TMEM164: variants seen among roughly 807,000 people sequenced by gnomAD.
TMEM164 encodes the protein transmembrane protein 164.
A neutral mutation model predicts 18.8 loss-of-function variants in TMEM164; 4 were observed. That is an observed-to-expected ratio of 0.21 (90% CI 0.10 to 0.49). TMEM164 has a LOEUF of 0.49. Among genes scored for constraint, TMEM164 ranks in the 20% least tolerant of loss-of-function variants. The pLI is 0.98. For synonymous variants in TMEM164, 86 were observed against 101.7 expected, an observed-to-expected ratio of 0.85 and a Z score of 0.93; for missense variants, 108 against 239.9, an observed-to-expected ratio of 0.45 and a Z score of 3.63.
chrX:110,121,530 C>T (rs2148006662), intron 4 of TMEM164, among the ~76,000 whole-genome samples: 1 of 112,524 alleles, frequency 8.9e-6, no homozygotes, highest in South Asian at 3.6e-4. Context: ...TGTATCAGTA[C>T]TTCATTCCTT....
In TMEM164 at chrX:110,149,333, C is replaced by T. The variant is rs143401896; in HGVS notation, c.586+4457C>T. Among the ~76,000 whole-genome samples the T allele has an allele frequency of 2.6e-4, 29 of 111,856 alleles. No homozygotes were observed. In the Middle Eastern group the frequency reaches 0.023, roughly 89 times the overall value. ...TTCCTCAGACCATTTACTCTGATAT[C>T]TAACCCTCTACCAGACTTTTCACAG... On this transcript the variant is annotated intron_variant, in intron 5 of 6. Transcript: ENST00000372068.
Position 110,170,025 on chromosome X carries a change from C to G in TMEM164, c.587-1395C>G, listed in dbSNP as rs929202263. Among the ~76,000 whole-genome samples, 7 of 111,937 alleles carry G rather than the reference C, an allele frequency of 6.3e-5. No homozygotes were observed. The South Asian group carries it at 1.5e-3, about 24-fold the overall frequency. Reference sequence around the variant, plus strand: ...CTTCTAGTGTCCTATGTGTCGCAGCCTGGAGCAGACCAGCCCTGCGAACCT... The same window carrying G: ...CTTCTAGTGTCCTATGTGTCGCAGCGTGGAGCAGACCAGCCCTGCGAACCT... On this transcript the variant is annotated intron_variant, in intron 5 of 6. Coordinates refer to ENST00000372068, the MANE Select transcript of TMEM164 (RefSeq NM_032227.4).
At chrX:110,147,438 G>T (rs2066873320) in intron 5 of TMEM164, among the ~76,000 whole-genome samples, 1 of 111,111 alleles carries the variant, frequency 9.0e-6, no homozygotes, top group African/African-American at 3.3e-5. Flanking sequence ...AACCCCACCG[G>T]CAGCTCTGCA....
chrX:110,161,053 A>T (rs1208082785), intron 5 of TMEM164, among the ~76,000 whole-genome samples: 2 of 112,245 alleles, frequency 1.8e-5, no homozygotes, highest in Non-Finnish European at 3.8e-5. Context: ...TTTTTGGAGG[A>T]CATTTCAAGA....
chrX:110,008,690 T>TA (rs1932876788), intron 2 of TMEM164, among the ~76,000 whole-genome samples: 1 of 111,489 alleles, frequency 9.0e-6, no homozygotes, highest in Non-Finnish European at 1.9e-5. Flanking sequence ...CCCCAGGATT[T>TA]AAAATTATGA....
At chrX:110,024,045 C>G (rs1472348429) in intron 2 of TMEM164, among the ~76,000 whole-genome samples, 1 of 111,398 alleles carries the variant, frequency 9.0e-6, no homozygotes, top group East Asian at 2.8e-4. Context: ...TATCTAAGAC[C>G]TTTTCTGGCT....
chrX:110,133,318 T>G (rs2066639350), intron 4 of TMEM164, among the ~76,000 whole-genome samples: 1 of 111,260 alleles, frequency 9.0e-6, no homozygotes, highest in Non-Finnish European at 1.9e-5. Context: ...ACCTGGCTAA[T>G]TTTTGTACTT....
chrX:110,024,991 G>GGGGTGTGT (rs1555986485), intron 2 of TMEM164, among the ~76,000 whole-genome samples: 2 of 100,208 alleles, frequency 2.0e-5, no homozygotes, highest in African/African-American at 7.3e-5. Context: ...GTTATTGTTG[G>GGGGTGTGT]GTGTGTGTGT....
chrX:110,163,826 C>T (rs1442961939), intron 5 of TMEM164, among the ~76,000 whole-genome samples: 2 of 111,682 alleles, frequency 1.8e-5, no homozygotes, highest in Admixed American at 9.5e-5. Context: ...GGACACAGGG[C>T]AGTTCATCTG....
chrX:110,125,731 A>C (rs1174046144), intron 4 of TMEM164, among the ~76,000 whole-genome samples: 1 of 112,575 alleles, frequency 8.9e-6, no homozygotes, highest in African/African-American at 3.2e-5. Flanking sequence ...CCCATTGTTC[A>C]GGAATGGTCT....
intron 3 of TMEM164, among the ~76,000 whole-genome samples, chrX:110,076,588 C>A (rs2065674647): frequency 9.0e-6 from 1 of 111,213 alleles, no homozygotes; most frequent in Admixed American, 9.6e-5. Context: ...TTTCTAACTT[C>A]TTGATGTAGG....
intron 2 of TMEM164, among the ~76,000 whole-genome samples, chrX:110,037,514 T>C (rs954094346): frequency 8.9e-6 from 1 of 112,144 alleles, no homozygotes; most frequent in African/African-American, 3.3e-5. Flanking sequence ...TGTGCCTTCC[T>C]GTGGTTCAGA....
chrX:110,156,254 G>A (rs1340660251), intron 5 of TMEM164, among the ~76,000 whole-genome samples: 1 of 111,277 alleles, frequency 9.0e-6, no homozygotes, highest in East Asian at 2.8e-4. Flanking sequence ...GGCAGCCAAG[G>A]GCATGTATTC....
At chrX:110,013,596 C>T (rs1330948715) in intron 2 of TMEM164, among the ~76,000 whole-genome samples, 1 of 111,640 alleles carries the variant, frequency 9.0e-6, no homozygotes, top group East Asian at 2.8e-4. Flanking sequence ...TGGGATACAG[C>T]GGGGATCCTG....
chrX:110,073,236 G>C (rs552355594), intron 3 of TMEM164, among the ~76,000 whole-genome samples: 43 of 110,741 alleles, frequency 3.9e-4, no homozygotes, highest in Middle Eastern at 9.2e-3. Context: ...GGGTCTTTCT[G>C]TGTTGCCCAG....
Position 110,147,876 on chromosome X carries a change from T to C in TMEM164, c.586+3000T>C, listed in dbSNP as rs369358252. On this transcript the variant is annotated intron_variant, in intron 5 of 6. Coordinates refer to ENST00000372068, the MANE Select transcript of TMEM164 (RefSeq NM_032227.4). ...GAGAACGTAACTCCTGTTATGTTCT[T>C]TCTTTGACCCAAATCTCCACTCCTT... is the stretch of plus-strand genomic sequence containing the variant. Among the ~76,000 whole-genome samples, 259 of 110,347 alleles carry C rather than the reference T, an allele frequency of 2.3e-3. 1 individual carries two copies. Among genetic ancestry groups the C allele is most frequent in the African/African-American group, 8.1e-3 (245 of 30,329 alleles).
At chrX:110,031,726 A>G (rs1211952714) in intron 2 of TMEM164, among the ~76,000 whole-genome samples, 2 of 110,592 alleles carry the variant, frequency 1.8e-5, no homozygotes, top group Non-Finnish European at 3.8e-5. Flanking sequence ...ACAGTGTGAG[A>G]TTTTGATACA....
chrX:110,069,424 C>T (rs1341702955), intron 3 of TMEM164, among the ~76,000 whole-genome samples: 4 of 111,018 alleles, frequency 3.6e-5, no homozygotes, highest in Admixed American at 9.6e-5. Context: ...ATTTGTTCCT[C>T]GAGTTGTCTA....
At chrX:110,086,458 A>T (rs889843867) in intron 3 of TMEM164, among the ~76,000 whole-genome samples, 10 of 111,262 alleles carry the variant, frequency 9.0e-5, no homozygotes, top group Non-Finnish European at 1.3e-4. Flanking sequence ...CTTTATTTAC[A>T]TAAACAGGAG....
Sources: allele counts gnomAD v4.1 joint callset (sites outside exome capture counted in the v4.1 genomes callset), GRCh38; gene constraint gnomAD v4.1.1; transcripts MANE v1.5; gene names NCBI Gene and HGNC (gene_info 2026-07-23, HGNC 2026-07-21).